CDH13: variants seen among roughly 807,000 people sequenced by gnomAD.
The protein encoded by CDH13 is cadherin 13, also known as cadherin-13.
Under a neutral mutation model 63.8 loss-of-function variants are expected in CDH13, and 24 were observed. The observed-to-expected ratio is 0.38, with a 90% CI of 0.27 to 0.53. The LOEUF is 0.53. CDH13 is among the 20% of genes least tolerant of loss of function. The pLI is 0.85. For missense variants in CDH13, 1,049 were observed against 903.1 expected (o/e 1.16, Z -2.07); for synonymous variants, 503 against 355.3 (o/e 1.42, Z -4.67).
chr16:83,305,139 G>C (rs1188591435), intron 5 of CDH13, among the ~76,000 whole-genome samples: 1 of 152,124 alleles, frequency 6.6e-6, no homozygotes, highest in Non-Finnish European at 1.5e-5. Context: ...TCCTGGTCTA[G>C]GGGAGCTGTC....
chr16:83,507,300 A>G (rs2074423494), intron 7 of CDH13, among the ~76,000 whole-genome samples: 1 of 152,348 alleles, frequency 6.6e-6, no homozygotes, highest in East Asian at 1.9e-4. Flanking sequence ...TTTGTAATGT[A>G]TGCATTCTTC....
rs1353037493 is a variant in CDH13 at position 83,074,388 on chromosome 16, C to T, written c.366+42170C>T. Among the ~76,000 whole-genome samples the T allele has an allele frequency of 3.3e-5, 5 of 152,068 alleles. No homozygotes were observed. The South Asian group carries it at 6.2e-4, about 19-fold the overall frequency. On this transcript the variant is annotated intron_variant, in intron 3 of 13. Coordinates refer to ENST00000567109, the MANE Select transcript of CDH13 (RefSeq NM_001257.5). ...TACCACAATTTTTTAATCCGTTATC[C>T]ATTTATCCACTGATGGGCACAAGGT...
intron 6 of CDH13, among the ~76,000 whole-genome samples, chr16:83,479,543 G>A (rs1000952907): frequency 6.6e-6 from 1 of 152,094 alleles, no homozygotes; most frequent in African/African-American, 2.4e-5. Context: ...TGTAGTCCCA[G>A]CTACTCAGGA....
intron 7 of CDH13, among the ~76,000 whole-genome samples, chr16:83,505,724 G>C (rs914443238): frequency 3.9e-4 from 59 of 151,910 alleles, no homozygotes; most frequent in Middle Eastern, 3.4e-3. Context: ...TTTATTTTTA[G>C]TAGAGACGGT....
At chr16:82,803,298 G>C (rs975086062) in intron 1 of CDH13, among the ~76,000 whole-genome samples, 22 of 152,104 alleles carry the variant, frequency 1.4e-4, no homozygotes, top group Admixed American at 3.9e-4. Flanking sequence ...CTCCTTGAGG[G>C]GCAATTATAT....
At chr16:83,137,351 T>C (rs1199709008) in intron 4 of CDH13, among the ~76,000 whole-genome samples, 1 of 152,228 alleles carries the variant, frequency 6.6e-6, no homozygotes, top group Non-Finnish European at 1.5e-5. Flanking sequence ...TTGTCCCAGT[T>C]CTACCTGGAA....
chr16:83,353,322 C>T (rs1264356484), intron 6 of CDH13, among the ~76,000 whole-genome samples: 1 of 152,238 alleles, frequency 6.6e-6, no homozygotes, highest in Non-Finnish European at 1.5e-5. Context: ...CAGTCGGCTC[C>T]CTTGTCATAG....
chr16:82,662,946 C>T (rs564339681), intron 1 of CDH13, among the ~76,000 whole-genome samples: 13 of 152,240 alleles, frequency 8.5e-5, no homozygotes, highest in East Asian at 3.9e-4. Context: ...TATGACAAAT[C>T]GGTACATTGA....
At chr16:83,249,473 C>T (rs956681390) in intron 5 of CDH13, among the ~76,000 whole-genome samples, 1 of 152,222 alleles carries the variant, frequency 6.6e-6, no homozygotes, top group African/African-American at 2.4e-5. Flanking sequence ...ATGATATTAA[C>T]TTTCTCTGCT....
intron 6 of CDH13, among the ~76,000 whole-genome samples, chr16:83,483,844 G>A (rs557660221): frequency 1.3e-5 from 2 of 152,162 alleles, no homozygotes; most frequent in Non-Finnish European, 2.9e-5. Context: ...CATAGACTGT[G>A]AGTGGCTGCC....
chr16:83,115,307 A>G (rs1265247454), intron 3 of CDH13, among the ~76,000 whole-genome samples: 1 of 152,208 alleles, frequency 6.6e-6, no homozygotes, highest in East Asian at 1.9e-4. Flanking sequence ...ATTAAGTGAG[A>G]TAATCATACA....
chr16:83,547,332 G>C (rs188788789), intron 7 of CDH13, among the ~76,000 whole-genome samples: 1 of 152,222 alleles, frequency 6.6e-6, no homozygotes, highest in Non-Finnish European at 1.5e-5. Context: ...TTTAGTTTCA[G>C]AGGTACATGT....
chr16:83,256,135 G>A (rs939786242), intron 5 of CDH13, among the ~76,000 whole-genome samples: 6 of 152,134 alleles, frequency 3.9e-5, no homozygotes, highest in African/African-American at 1.4e-4. Context: ...CTGAGCTGAA[G>A]TGAGCCTCCC....
intron 3 of CDH13, among the ~76,000 whole-genome samples, chr16:83,094,597 G>A (rs774127912): frequency 1.1e-4 from 16 of 152,120 alleles, no homozygotes; most frequent in Non-Finnish European, 2.4e-4. Context: ...AGAAGGCAAG[G>A]CCTCTTAGTT....
chr16:83,499,765 T>A (rs1408558940), intron 7 of CDH13, among the ~76,000 whole-genome samples: 2 of 151,788 alleles, frequency 1.3e-5, no homozygotes, highest in Non-Finnish European at 2.9e-5. Flanking sequence ...TTGGGTGCAG[T>A]GGCCACATGT....
chr16:83,345,683 C>T (rs747339096), intron 6 of CDH13, among the ~76,000 whole-genome samples: 22 of 152,252 alleles, frequency 1.4e-4, no homozygotes, highest in Non-Finnish European at 1.9e-4. Context: ...AAGTATCCCA[C>T]AGCCAGCAGC....
In CDH13 at chr16:82,790,036, C is replaced by T. The variant is rs143652755; in HGVS notation, c.46-68326C>T. Among the ~76,000 whole-genome samples, 121 of 152,254 alleles carry T rather than the reference C, an allele frequency of 7.9e-4. 1 individual carries two copies. Among genetic ancestry groups the T allele is most frequent in the East Asian group, 6.6e-3 (34 of 5,178 alleles). On this transcript the variant is annotated intron_variant, in intron 1 of 13. Coordinates refer to ENST00000567109, the MANE Select transcript of CDH13 (RefSeq NM_001257.5). The stretch of plus-strand genomic sequence containing the variant: ...TATGACATGAAGGACTTCTTCTTAC[C>T]TAGATATTCTGGTGCTATAGGGGGG...
intron 1 of CDH13, among the ~76,000 whole-genome samples, chr16:82,718,816 C>G (rs927181195): frequency 2.0e-5 from 3 of 152,052 alleles, no homozygotes; most frequent in African/African-American, 4.8e-5. Flanking sequence ...AGGTCCCTCC[C>G]AAAACACGTG....
At chr16:83,602,104 C>CAAA (rs1567797536) in intron 7 of CDH13, among the ~76,000 whole-genome samples, 1 of 3,714 alleles carries the variant, frequency 2.7e-4, no homozygotes, top group Admixed American at 5.5e-3. Flanking sequence ...AAAAGAACAA[C>CAAA]AACAAAAAAA....
Sources: gnomAD v4.1 joint callset for allele counts (sites outside exome capture counted in the v4.1 genomes callset) on GRCh38, gnomAD v4.1.1 for gene constraint, MANE v1.5 for transcripts, NCBI Gene and HGNC (gene_info 2026-07-23, HGNC 2026-07-21) for gene names.